ZFAND3: variants seen among roughly 807,000 people sequenced by gnomAD.
The protein encoded by ZFAND3 is AN1-type zinc finger protein 3.
Under a neutral mutation model 29.6 loss-of-function variants are expected in ZFAND3, and 10 were observed. That is an observed-to-expected ratio of 0.34 (90% CI 0.21 to 0.57). The LOEUF (loss-of-function observed/expected upper bound fraction) is 0.57, where lower values mean the gene tolerates loss of function less well. Among genes scored for constraint, ZFAND3 ranks in the 20% least tolerant of loss-of-function variants. The pLI is 0.86. For missense variants in ZFAND3, 230 were observed against 304.5 expected (o/e 0.76, Z 1.82); for synonymous variants, 128 against 112.6 (o/e 1.14, Z -0.87).
intron 1 of ZFAND3, among the ~76,000 whole-genome samples, chr6:37,902,199 A>C (rs905938376): frequency 1.3e-5 from 2 of 152,170 alleles, no homozygotes; most frequent in African/African-American, 4.8e-5. Flanking sequence ...TTGTAATCCC[A>C]GGACATTGGG....
intron 1 of ZFAND3, among the ~76,000 whole-genome samples, chr6:37,914,959 G>A (rs1036356467): frequency 2.6e-5 from 4 of 152,112 alleles, no homozygotes; most frequent in Admixed American, 1.3e-4. Context: ...TTCTAACTAC[G>A]AAGTCCTCTG....
At chr6:37,832,429 G>A (rs1160734781) in intron 1 of ZFAND3, among the ~76,000 whole-genome samples, 1 of 152,196 alleles carries the variant, frequency 6.6e-6, no homozygotes, top group Non-Finnish European at 1.5e-5. Context: ...TAAATCCAAA[G>A]TGAAATTGGA....
chr6:38,097,255 T>A (rs902779244), intron 4 of ZFAND3, among the ~76,000 whole-genome samples: 8 of 149,594 alleles, frequency 5.3e-5, no homozygotes, highest in Non-Finnish European at 1.0e-4. Context: ...TTTCATTTTT[T>A]TTTTTTTTTT....
intron 5 of ZFAND3, among the ~76,000 whole-genome samples, chr6:38,144,211 A>AATATATAT (rs1554183991): frequency 6.5e-5 from 3 of 45,880 alleles, no homozygotes; most frequent in Non-Finnish European, 1.2e-4. Context: ...ATATATATAT[A>AATATATAT]ATATATAATA....
At chr6:38,095,959 G>A (rs761546340) in intron 4 of ZFAND3, among the ~76,000 whole-genome samples, 47 of 152,202 alleles carry the variant, frequency 3.1e-4, no homozygotes, top group Middle Eastern at 3.4e-3. Context: ...CCTGAGCCCA[G>A]GAGGTCGTGG....
chr6:38,102,610 A>G (rs986170508), intron 4 of ZFAND3, among the ~76,000 whole-genome samples: 2 of 152,204 alleles, frequency 1.3e-5, no homozygotes, highest in South Asian at 2.1e-4. Flanking sequence ...ATATAAGTCA[A>G]CAGTAGGAGG....
At chr6:38,016,155 A>G (rs544932844) in intron 2 of ZFAND3, among the ~76,000 whole-genome samples, 16 of 152,310 alleles carry the variant, frequency 1.1e-4, no homozygotes, top group South Asian at 4.1e-4. Flanking sequence ...ATTAAATTAC[A>G]GCTTATCCAC....
intron 4 of ZFAND3, among the ~76,000 whole-genome samples, chr6:38,092,846 A>C (rs1486708403): frequency 6.6e-6 from 1 of 152,246 alleles, no homozygotes; most frequent in Non-Finnish European, 1.5e-5. Flanking sequence ...GGAGTTTATC[A>C]GCATTCTGGT....
intron 2 of ZFAND3, among the ~76,000 whole-genome samples, chr6:37,935,718 G>A (rs1229061093): frequency 6.6e-6 from 1 of 152,178 alleles, no homozygotes. Context: ...TTGAAACCCA[G>A]TGAACTGCAG....
chr6:38,133,515 C>T (rs555396668), intron 5 of ZFAND3, among the ~76,000 whole-genome samples: 39 of 152,112 alleles, frequency 2.6e-4, no homozygotes, highest in Admixed American at 2.0e-3. Context: ...TTTGGGAGGC[C>T]GAGGCGGGCG....
intron 2 of ZFAND3, among the ~76,000 whole-genome samples, chr6:37,973,903 T>C (rs1762432642): frequency 6.6e-6 from 1 of 152,236 alleles, no homozygotes; most frequent in Non-Finnish European, 1.5e-5. Context: ...GCCAGTATAT[T>C]GTGTTGTAGG....
intron 2 of ZFAND3, among the ~76,000 whole-genome samples, chr6:37,985,042 T>A (rs552503461): frequency 6.6e-6 from 1 of 152,222 alleles, no homozygotes; most frequent in Non-Finnish European, 1.5e-5. Flanking sequence ...GTACTTTAGT[T>A]TTAGTTTCTC....
chr6:38,097,254 T>TC (rs1765001847), intron 4 of ZFAND3, among the ~76,000 whole-genome samples: 8 of 149,506 alleles, frequency 5.4e-5, no homozygotes, highest in Non-Finnish European at 1.0e-4. Context: ...TTTTCATTTT[T>TC]TTTTTTTTTT....
At position 37,891,831 on chromosome 6, in the gene ZFAND3, C is replaced by T. The variant is rs191792572; in HGVS notation, c.72-38128C>T. On this transcript the variant is annotated intron_variant, in intron 1 of 5. Coordinates refer to ENST00000287218, the MANE Select transcript of ZFAND3 (RefSeq NM_021943.3). ...CAACCTCTGGCCTCCCAGATTCAAGCGATTCTCCTATCTCAGCCTCCCGAG... is the reference window on the plus strand; with the variant it reads ...CAACCTCTGGCCTCCCAGATTCAAGTGATTCTCCTATCTCAGCCTCCCGAG... 1.3e-3 allele frequency among the ~76,000 whole-genome samples: 199 copies of T among 152,114 alleles called. 1 individual carries two copies. Among genetic ancestry groups the T allele is most frequent in the Middle Eastern group, 3.4e-3 (1 of 292 alleles).
chr6:38,150,912 G>A (rs1766208025), intron 5 of ZFAND3, among the ~76,000 whole-genome samples: 1 of 152,224 alleles, frequency 6.6e-6, no homozygotes, highest in South Asian at 2.1e-4. Flanking sequence ...GCTTGCTCCT[G>A]TGGACCTGAT....
At chr6:38,086,232 C>T (rs932057369) in intron 4 of ZFAND3, among the ~76,000 whole-genome samples, 1 of 152,070 alleles carries the variant, frequency 6.6e-6, no homozygotes, top group African/African-American at 2.4e-5. Flanking sequence ...GAATTATTAA[C>T]AGTTAAACTC....
At chr6:38,090,782 A>G (rs924974470) in intron 4 of ZFAND3, among the ~76,000 whole-genome samples, 1 of 152,204 alleles carries the variant, frequency 6.6e-6, no homozygotes, top group Non-Finnish European at 1.5e-5. Context: ...GGTAAAATAT[A>G]CTAATAATTA....
intron 2 of ZFAND3, among the ~76,000 whole-genome samples, chr6:38,045,552 GCAATTTTTCTTCCTTTTAAT>G (rs1295177844): frequency 6.6e-6 from 1 of 151,854 alleles, no homozygotes; most frequent in Non-Finnish European, 1.5e-5. Flanking sequence ...ATTTTTTCTA[GCAATTTTTCTTCCTTTTAAT>G]CAGTAGTCTT....
chr6:37,966,781 CA>C (rs1762300682), intron 2 of ZFAND3, among the ~76,000 whole-genome samples: 1 of 152,184 alleles, frequency 6.6e-6, no homozygotes, highest in Non-Finnish European at 1.5e-5. Context: ...ATCTAATCCT[CA>C]GGTTTAATAA....
Sources: gnomAD v4.1 joint callset for allele counts (sites outside exome capture counted in the v4.1 genomes callset) on GRCh38, gnomAD v4.1.1 for gene constraint, MANE v1.5 for transcripts, NCBI Gene and HGNC (gene_info 2026-07-23, HGNC 2026-07-21) for gene names.